The following AFAP1 variants were observed in gnomAD, a reference collection of about 807,000 sequenced individuals.
AFAP1 encodes actin filament-associated protein 1.
Under a neutral mutation model 93.9 loss-of-function variants are expected in AFAP1, and 75 were observed. The observed-to-expected ratio is 0.80, with a 90% CI of 0.66 to 0.97. The LOEUF (loss-of-function observed/expected upper bound fraction) is 0.97, where lower values mean the gene tolerates loss of function less well. Among genes scored for constraint, AFAP1 ranks in the 50% least tolerant of loss-of-function variants. The pLI is 0.00. For missense variants in AFAP1, 1,201 were observed against 1,050.8 expected, an observed-to-expected ratio of 1.14 and a Z score of -1.98; for synonymous variants, 517 against 430.7, an observed-to-expected ratio of 1.20 and a Z score of -2.48.
intron 1 of AFAP1, among the ~76,000 whole-genome samples, chr4:7,918,997 AACAGGGCTGCGGAT>A (rs1245662517): frequency 9.4e-5 from 14 of 149,382 alleles, no homozygotes; most frequent in African/African-American, 2.5e-4. Flanking sequence ...GTCACCAGGA[AACAGGGCTGCGGAT>A]GAGACACTCG....
chr4:7,905,470 A>C (rs1425658037), intron 1 of AFAP1, among the ~76,000 whole-genome samples: 1 of 152,268 alleles, frequency 6.6e-6, no homozygotes, highest in African/African-American at 2.4e-5. Context: ...CATCTGTCAC[A>C]AACTGAAATC....
chr4:7,855,525 C>T lies in AFAP1; in HGVS notation c.275G>A (p.Gly92Asp), dbSNP rs774482619. Residue 92 changes from glycine to aspartate, a missense_variant, in exon 4 of 18, where the codon GGT becomes GAT. By Grantham distance (94) the Gly-to-Asp change is moderately conservative (BLOSUM62 -1). Coordinates refer to ENST00000420658, the MANE Select transcript of AFAP1 (RefSeq NM_001134647.2). ...PPLPTSSLPE[G>D]YYEEAVPLSP... The stretch of plus-strand genomic sequence containing the variant: ...CAGCGGCACAGCTTCCTCATAATAA[C>T]CTTCTGGGAGGGAGGATGTTGGCAA... The T allele has an allele frequency of 4.3e-6, 7 of 1,613,788 alleles. No homozygotes were observed. Among genetic ancestry groups the T allele is most frequent in the South Asian group, 3.3e-5 (3 of 91,054 alleles).
At chr4:7,768,214 CCA>C (rs1453667410) in intron 17 of AFAP1, among the ~76,000 whole-genome samples, 1 of 152,284 alleles carries the variant, frequency 6.6e-6, no homozygotes, top group African/African-American at 2.4e-5. Context: ...CCGTGCACTT[CCA>C]CACACAGCAC....
intron 9 of AFAP1, 124 bp from the exon 10 acceptor site, chr4:7,800,777 C>T (rs778745584): frequency 5.5e-5 from 51 of 922,600 alleles, no homozygotes; most frequent in Admixed American, 9.1e-5. Context: ...TTCACACGAT[C>T]GATCAAGCTT....
intron 3 of AFAP1, among the ~76,000 whole-genome samples, chr4:7,867,112 G>GGAGTA (rs1716502563): frequency 1.1e-5 from 1 of 89,664 alleles, no homozygotes; most frequent in South Asian, 5.1e-4. Context: ...GGAGTAGAGG[G>GGAGTA]GAGGGGAGGG....
chr4:7,903,177 T>C (rs987459111), intron 1 of AFAP1, among the ~76,000 whole-genome samples: 2 of 152,206 alleles, frequency 1.3e-5, no homozygotes, highest in African/African-American at 4.8e-5. Flanking sequence ...TTCAGCCAAT[T>C]GATTCATTCA....
intron 6 of AFAP1, among the ~76,000 whole-genome samples, chr4:7,826,929 C>A (rs553160331): frequency 6.6e-6 from 1 of 152,140 alleles, no homozygotes; most frequent in South Asian, 2.1e-4. Context: ...AAGAGCTGGG[C>A]CCAATATTGG....
intron 1 of AFAP1, among the ~76,000 whole-genome samples, chr4:7,920,659 C>A (rs1206480447): frequency 1.3e-5 from 2 of 152,232 alleles, no homozygotes; most frequent in Non-Finnish European, 2.9e-5. Flanking sequence ...AACAAAGCTA[C>A]CAACCTTTCT....
chr4:7,779,013 T>C (rs1716464077), intron 13 of AFAP1, 137 bp from the exon 14 acceptor site: 2 of 676,814 alleles, frequency 3.0e-6, no homozygotes, highest in African/African-American at 1.8e-5. Flanking sequence ...AAATCGAAAG[T>C]GAAAGAAAAC....
At chr4:7,909,255 T>C (rs1034174695) in intron 1 of AFAP1, among the ~76,000 whole-genome samples, 5 of 152,168 alleles carry the variant, frequency 3.3e-5, no homozygotes, top group Admixed American at 3.3e-4. Flanking sequence ...TCCCATTTCA[T>C]AGATGAAAGT....
chr4:7,928,525 C>T (rs1023808241), intron 1 of AFAP1, among the ~76,000 whole-genome samples: 25 of 152,166 alleles, frequency 1.6e-4, no homozygotes, highest in East Asian at 5.8e-4. Context: ...GTAGCTGGGA[C>T]TACAGGCACG....
At chr4:7,919,570 G>A (rs773685310) in intron 1 of AFAP1, among the ~76,000 whole-genome samples, 3 of 152,178 alleles carry the variant, frequency 2.0e-5, no homozygotes, top group Admixed American at 1.3e-4. Flanking sequence ...AGCCATGTGC[G>A]AAAGAGCTTT....
chr4:7,910,853 G>A (rs184614284), intron 1 of AFAP1, among the ~76,000 whole-genome samples: 39 of 152,300 alleles, frequency 2.6e-4, no homozygotes, highest in African/African-American at 8.2e-4. Context: ...GTTGAGACAC[G>A]TATTCCCACT....
rs1485606770 is a variant in AFAP1, at chr4:7,840,260, GGA to G, written c.547-1559_547-1558del. 2.3e-3 allele frequency among the ~76,000 whole-genome samples: 150 copies of G among 66,648 alleles called. 1 individual carries two copies. The highest frequency in any genetic ancestry group is 9.5e-3 in the African/African-American group (146 of 15,302). The allele number at this position is 66,648 out of a possible 152,430, so 43.7% of individuals were successfully genotyped here. A position where few individuals can be genotyped will look rare whatever the true frequency, so the allele number is the denominator to read the frequency against. On this transcript the variant is annotated intron_variant, in intron 5 of 17. Transcript: ENST00000420658. ...TAGAGTCCTTTCTGGTTTGTTTTTG[GGA>G]TGTGTGTGTGTGTGTGTGTGTGTGT...
At chr4:7,913,643 CT>C (rs1316391610) in intron 1 of AFAP1, among the ~76,000 whole-genome samples, 5 of 152,060 alleles carry the variant, frequency 3.3e-5, no homozygotes, top group Non-Finnish European at 7.4e-5. Flanking sequence ...GCATGTATGC[CT>C]ATTAATTAAG....
At chr4:7,777,322 C>A (rs931953113) in intron 14 of AFAP1, 2 of 152,234 alleles carry the variant, frequency 1.3e-5, no homozygotes, top group Admixed American at 6.5e-5. Flanking sequence ...CAACTGGCTC[C>A]AACCTATCTG....
chr4:7,872,261 C>T, intron 1 of AFAP1, 181 bp from the exon 2 acceptor site: 1 of 652,238 alleles, frequency 1.5e-6, no homozygotes, highest in South Asian at 2.4e-5. Context: ...TTCTTCTTAA[C>T]AAATGCACTA....
chr4:7,819,876 C>T (rs1057440291), intron 6 of AFAP1, among the ~76,000 whole-genome samples: 3 of 152,196 alleles, frequency 2.0e-5, no homozygotes, highest in African/African-American at 7.2e-5. Context: ...CAATTAACTG[C>T]CCTGTGCTTC....
intron 3 of AFAP1, among the ~76,000 whole-genome samples, chr4:7,859,876 G>A (rs1321403627): frequency 1.3e-5 from 2 of 152,092 alleles, no homozygotes; most frequent in Non-Finnish European, 1.5e-5. Flanking sequence ...AATTCACAGA[G>A]AATTCTCTTT....
Sources: gnomAD v4.1 joint callset for allele counts (sites outside exome capture counted in the v4.1 genomes callset) on GRCh38, gnomAD v4.1.1 for gene constraint, MANE v1.5 for transcripts, NCBI Gene and HGNC (gene_info 2026-07-23, HGNC 2026-07-21) for gene names.